Variants in IGDCC3 observed in about 807,000 individuals in gnomAD.
The protein encoded by IGDCC3 is putative neuronal cell adhesion molecule.
Under a neutral mutation model 72.0 loss-of-function variants are expected in IGDCC3, and 47 were observed. That is an observed-to-expected ratio of 0.65 (90% CI 0.52 to 0.83). The LOEUF is 0.83. Among genes scored for constraint, IGDCC3 ranks in the 40% least tolerant of loss-of-function variants. The pLI, the probability that IGDCC3 is intolerant of heterozygous loss-of-function variation, is 0.00. For synonymous variants in IGDCC3, 477 were observed against 472.8 expected (o/e 1.01, Z -0.11); for missense variants, 1,038 against 1,091.3 (o/e 0.95, Z 0.69).
intron 2 of IGDCC3, among the ~76,000 whole-genome samples, chr15:65,351,333 G>A (rs1310303225): frequency 6.6e-6 from 1 of 152,114 alleles, no homozygotes; most frequent in African/African-American, 2.4e-5. Flanking sequence ...TCAGGAGATC[G>A]ACCATCCTGG....
intron 2 of IGDCC3, among the ~76,000 whole-genome samples, chr15:65,361,537 CCT>C (rs2091261582): frequency 6.6e-6 from 1 of 152,224 alleles, no homozygotes; most frequent in African/African-American, 2.4e-5. Flanking sequence ...CATTGTTCCC[CCT>C]CTCAGACCCA....
At chr15:65,342,695 C>T (rs2140147957) in intron 2 of IGDCC3, among the ~76,000 whole-genome samples, 1 of 152,272 alleles carries the variant, frequency 6.6e-6, no homozygotes, top group Non-Finnish European at 1.5e-5. Context: ...TGCCTGCACT[C>T]CCCCCTCTTG....
intron 2 of IGDCC3, 121 bp downstream of exon 2, chr15:65,374,976 G>A (rs1282808510): frequency 2.4e-6 from 2 of 824,206 alleles, no homozygotes; most frequent in Admixed American, 2.6e-5. Context: ...GACCCATGCT[G>A]AGAAATTAGT....
At chr15:65,349,434 G>GA (rs1028180321) in intron 2 of IGDCC3, among the ~76,000 whole-genome samples, 84 of 151,086 alleles carry the variant, frequency 5.6e-4, no homozygotes, top group African/African-American at 1.7e-3. Context: ...TGAATGAATG[G>GA]AAAAAAAAAT....
rs762737088 is a variant in IGDCC3 at position 65,329,023 on chromosome 15, G to A, written c.2331C>T (p.Ala777=). The change falls in exon 14 of 14, where the codon GCC becomes GCT. Residue 777 remains alanine, a synonymous_variant. Coordinates refer to ENST00000327987, the MANE Select transcript of IGDCC3 (RefSeq NM_004884.4). The surrounding 1 kb of genome is among the most constrained non-coding windows in gnomAD (Gnocchi z 4.1). ...AKTTEATAPC[A]GLAAAPPPPD... ...GGGGTGGTGGGGCAGCCGCCAGGCCGGCGCAGGGAGCCGTGGCCTCTGTGG... is the reference window on the plus strand; with the variant it reads ...GGGGTGGTGGGGCAGCCGCCAGGCCAGCGCAGGGAGCCGTGGCCTCTGTGG... 2.9e-5 allele frequency: 46 copies of A among 1,612,182 alleles called. No homozygotes were observed. The South Asian group carries it at 2.9e-4, about 10-fold the overall frequency.
chr15:65,343,486 C>T (rs867478881), intron 2 of IGDCC3, among the ~76,000 whole-genome samples: 84 of 152,166 alleles, frequency 5.5e-4, no homozygotes, highest in African/African-American at 1.7e-3. Flanking sequence ...GGGGGCTTCA[C>T]GGGGTCCCAA....
At chr15:65,330,465 G>A in intron 10 of IGDCC3, 68 bp from the exon 11 acceptor site, 6 of 1,572,120 alleles carry the variant, frequency 3.8e-6, no homozygotes, top group Non-Finnish European at 5.2e-6. Context: ...AGCCAGGAAA[G>A]GGAGGTGACC....
chr15:65,334,861 C>A lies in IGDCC3; in HGVS notation c.690G>T (p.Ser230=). Residue 230 remains serine, a synonymous_variant, in exon 5 of 14, where the codon TCG becomes TCT. Transcript: ENST00000327987. ...CTGGCTCCTTGTAGGCCCCAGAGCCCGAGCCTGGGAGGAAGACGCCACATA... is the reference window on the plus strand; with the variant it reads ...CTGGCTCCTTGTAGGCCCCAGAGCCAGAGCCTGGGAGGAAGACGCCACATA... ...SHGARLTVSG[S]GSGAYKEPAI... is the part of the protein sequence containing the mutation. 1 of 1,610,694 alleles carries A rather than the reference C, an allele frequency of 6.2e-7. No homozygotes were observed.
intron 2 of IGDCC3, among the ~76,000 whole-genome samples, chr15:65,352,750 C>T (rs950594033): frequency 6.6e-6 from 1 of 152,180 alleles, no homozygotes; most frequent in African/African-American, 2.4e-5. Context: ...TATTGCTGCA[C>T]TTTATACAAA....
At chr15:65,375,052 C>T (rs1312006507) in intron 2 of IGDCC3, 45 bp downstream of exon 2, 1 of 1,557,030 alleles carries the variant, frequency 6.4e-7, no homozygotes, top group South Asian at 1.2e-5. Context: ...GACCCTGGAT[C>T]ACCAGCTGGC....
At position 65,331,829 on chromosome 15, in the gene IGDCC3, A is replaced by T. The variant is rs74662230; in HGVS notation, c.1148+112T>A. The stretch of plus-strand genomic sequence containing the variant: ...CTCCACCTCAATCTCCAGACTCCCA[A>T]TTCTGTGCTCTTCCCTGGCAGGAGG... On this transcript the variant is annotated intron_variant, in intron 7 of 13. Coordinates refer to ENST00000327987, the MANE Select transcript of IGDCC3 (RefSeq NM_004884.4). The T allele has an allele frequency of 2.2e-3, 3,056 of 1,421,390 alleles. 105 individuals are homozygous for T. In the East Asian group the frequency reaches 0.053, roughly 25 times the overall value. 88.0% of individuals were successfully genotyped at this position (1,421,390 alleles called of 1,614,324 possible).
Position 65,339,995 on chromosome 15 carries a change from T to C in IGDCC3, c.410-4039A>G, listed in dbSNP as rs576710494. On this transcript the variant is annotated intron_variant, in intron 2 of 13. Coordinates refer to ENST00000327987, the MANE Select transcript of IGDCC3 (RefSeq NM_004884.4). The surrounding 1 kb of genome is among the most constrained non-coding windows in gnomAD (Gnocchi z 4.1). The stretch of plus-strand genomic sequence containing the variant: ...TGGGGAGAAAGGAAGAAGGCACCTT[T>C]GTCCACAGCGATCTGGGAAGGAATC... Among the ~76,000 whole-genome samples, 21 of 152,294 alleles carry C rather than the reference T, an allele frequency of 1.4e-4. No homozygotes were observed. The highest frequency in any genetic ancestry group is 4.8e-4 in the African/African-American group (20 of 41,562).
intron 2 of IGDCC3, among the ~76,000 whole-genome samples, chr15:65,343,404 G>A (rs55696861): frequency 6.6e-6 from 1 of 151,344 alleles, no homozygotes; most frequent in Non-Finnish European, 1.5e-5. Flanking sequence ...TGAATGGTGT[G>A]GGGGGAGGAC....
chr15:65,359,776 GAGCAGTC>G (rs2091248900), intron 2 of IGDCC3, among the ~76,000 whole-genome samples: 1 of 152,206 alleles, frequency 6.6e-6, no homozygotes, highest in Non-Finnish European at 1.5e-5. Context: ...TTTGAGCCAA[GAGCAGTC>G]AGACATGGTC....
At chr15:65,376,887 G>A (rs1595768683) in intron 1 of IGDCC3, among the ~76,000 whole-genome samples, 1 of 152,174 alleles carries the variant, frequency 6.6e-6, no homozygotes, top group African/African-American at 2.4e-5. Flanking sequence ...CTCCTCCCGG[G>A]AGATGGGACC....
At chr15:65,361,672 C>T (rs2091262668) in intron 2 of IGDCC3, among the ~76,000 whole-genome samples, 1 of 151,068 alleles carries the variant, frequency 6.6e-6, no homozygotes, top group African/African-American at 2.4e-5. Context: ...GCTGGGAGCC[C>T]GGGAAGCGAG....
At chr15:65,338,570 G>A (rs1306503827) in intron 2 of IGDCC3, among the ~76,000 whole-genome samples, 1 of 123,502 alleles carries the variant, frequency 8.1e-6, no homozygotes, top group African/African-American at 3.2e-5. Context: ...GGCTGCACAG[G>A]TGTGGTCCAG....
At chr15:65,346,137 T>A (rs2091122142) in intron 2 of IGDCC3, among the ~76,000 whole-genome samples, 1 of 152,206 alleles carries the variant, frequency 6.6e-6, no homozygotes, top group Non-Finnish European at 1.5e-5. Flanking sequence ...TAGGGAGTAA[T>A]TAATGCAAAT....
rs888656975 is a variant in IGDCC3, at chr15:65,328,042, G to C, written c.*867C>G. The C allele has an allele frequency of 1.3e-5, 2 of 152,608 alleles. No homozygotes were observed. The highest frequency in any genetic ancestry group is 4.8e-5 in the African/African-American group (2 of 41,422). The allele number at this position is 152,608 out of a possible 1,614,324, so 9.5% of individuals were successfully genotyped here. On this transcript the variant is annotated 3_prime_UTR_variant, in exon 14 of 14. Coordinates refer to ENST00000327987, the MANE Select transcript of IGDCC3 (RefSeq NM_004884.4). ...AAGGAACAAATTTCCTCTCATTTTT[G>C]GCTGCTTTCACATTTTTTCTCTGCC... is the stretch of plus-strand genomic sequence containing the variant.
Sources: allele counts gnomAD v4.1 joint callset (sites outside exome capture counted in the v4.1 genomes callset), GRCh38; gene constraint gnomAD v4.1.1; non-coding constraint Gnocchi (gnomAD v3.1); transcripts MANE v1.5; gene names NCBI Gene and HGNC (gene_info 2026-07-23, HGNC 2026-07-21).